CD207: variants seen among roughly 807,000 people sequenced by gnomAD.
CD207 encodes the protein C-type lectin domain family 4 member K.
Under a neutral mutation model 31.6 loss-of-function variants are expected in CD207, and 28 were observed. The observed-to-expected ratio is 0.89, with a 90% CI of 0.66 to 1.21. The LOEUF is 1.21. CD207 is among the 50% of genes most tolerant of loss of function. The pLI, the probability that CD207 is intolerant of heterozygous loss-of-function variation, is 0.00. For synonymous variants in CD207, 168 were observed against 153.9 expected, an observed-to-expected ratio of 1.09 and a Z score of -0.68; for missense variants, 388 against 397.8, an observed-to-expected ratio of 0.98 and a Z score of 0.21.
downstream of CD207, among the ~76,000 whole-genome samples, chr2:70,826,473 C>T (rs1035433579): frequency 6.6e-6 from 1 of 152,128 alleles, no homozygotes; most frequent in African/African-American, 2.4e-5. Flanking sequence ...ATCTCTTGAG[C>T]CCAAGCAATC....
In CD207 at chr2:70,830,918, G is replaced by T; in HGVS notation, c.*132C>A. The T allele has an allele frequency of 5.2e-6, 4 of 765,844 alleles. No homozygotes were observed. The highest frequency in any genetic ancestry group is 6.1e-6 in the Non-Finnish European group (3 of 491,712). The allele number at this position is 765,844 out of a possible 1,614,324, so 47.4% of individuals were successfully genotyped here. ...AGCCAAGACAGACGGACTCCAGAAT[G>T]CCACTGTGGGACAATTTTGAAGCAA... On this transcript the variant is annotated 3_prime_UTR_variant, in exon 6 of 6. Transcript: ENST00000410009.
chr2:70,832,855 GT>G (rs1677509376), intron 4 of CD207, 44 bp downstream of exon 4: 1 of 1,562,018 alleles, frequency 6.4e-7, no homozygotes, highest in Admixed American at 1.9e-5. Context: ...CCCTGGCCCA[GT>G]GCTCATACGC....
downstream of CD207, among the ~76,000 whole-genome samples, chr2:70,826,716 C>T (rs1170112555): frequency 6.6e-6 from 1 of 152,166 alleles, no homozygotes; most frequent in African/African-American, 2.4e-5. Flanking sequence ...CTGCTTCTAA[C>T]TTTAAAAGGT....
chr2:70,830,997 C>A lies in CD207; in HGVS notation c.*53G>T. 6.5e-7 allele frequency: 1 copy of A among 1,531,222 alleles called. No homozygotes were observed. The highest frequency in any genetic ancestry group is 8.9e-7 in the Non-Finnish European group (1 of 1,124,668). 94.9% of individuals were successfully genotyped at this position (1,531,222 alleles called of 1,614,324 possible). A position where few individuals can be genotyped will look rare whatever the true frequency, so the allele number is the denominator to read the frequency against. On this transcript the variant is annotated 3_prime_UTR_variant, in exon 6 of 6. Coordinates refer to ENST00000410009, the MANE Select transcript of CD207 (RefSeq NM_015717.5). ...AGTCTGGGGAAGAAAGAGGCATTTC[C>A]TCATGTTTAACAAGCGTTGGAGCTC...
In CD207 at chr2:70,835,704, C is replaced by G; in HGVS notation, c.73G>C (p.Glu25Gln). ...DKQNISLWPREPPPKSGPSLV... is the reference protein window; with the variant it reads ...DKQNISLWPRQPPPKSGPSLV... The stretch of plus-strand genomic sequence containing the variant: ...GGTTCTCAGCAGCGATGTGGCTTGC[C>G]TCGGGGCCAGAGGGAGATGTTCTGT... Residue 25 changes from glutamate to glutamine, a missense_variant and splice_region_variant, in exon 1 of 6, where the codon GAG becomes CAG. Glu to Gln is a conservative substitution (Grantham distance 29, BLOSUM62 2). Coordinates refer to ENST00000410009, the MANE Select transcript of CD207 (RefSeq NM_015717.5). 5 of 1,613,484 alleles carry G rather than the reference C, an allele frequency of 3.1e-6. No homozygotes were observed. In the South Asian group the frequency reaches 5.5e-5, roughly 18 times the overall value.
downstream of CD207, among the ~76,000 whole-genome samples, chr2:70,827,197 C>A (rs11684437): frequency 0.61 from 93,064 of 152,056 alleles, 28,871 homozygotes; most frequent in Middle Eastern, 0.7. Context: ...GTGCCTCTTC[C>A]TCAGGAAGCC....
Position 70,831,072 on chromosome 2 carries a change from G to A in CD207, c.965C>T (p.Pro322Leu), listed in dbSNP as rs781998721. 4 of 1,613,746 alleles carry A rather than the reference G, an allele frequency of 2.5e-6. No individual in the cohort carries two copies. The African/African-American group carries it at 4.0e-5, about 16-fold the overall frequency. Residue 322 changes from proline (P) to leucine (L), a missense_variant, in exon 6 of 6, where the codon CCC (proline) becomes CTC (leucine). Pro to Leu is a moderately conservative substitution (Grantham distance 98, BLOSUM62 -3). Transcript: ENST00000410009. Reference sequence around the variant, plus strand: ...CTGTCACGGTTCTGATGGGACATAGGGTCGCTTACAAATGAAAAGAAACGT... The same window carrying A: ...CTGTCACGGTTCTGATGGGACATAGAGTCGCTTACAAATGAAAAGAAACGT... ...DKTFLFICKR[P>L]YVPSEP
Position 70,831,099 on chromosome 2 carries a change from T to A in CD207, c.938A>T (p.Lys313Ile), listed in dbSNP as rs57302492. 102,426 of 1,613,432 alleles carry A rather than the reference T, an allele frequency of 0.063. 4,507 individuals are homozygous for A. The highest frequency in any genetic ancestry group is 0.17 in the African/African-American group (13,019 of 74,948). The change falls in exon 6 of 6, where the codon AAA becomes ATA. Residue 313 changes from lysine to isoleucine, a missense_variant. Transcript: ENST00000410009. The part of the protein sequence containing the change: ...LQAWNDAPCD[K>I]TFLFICKRPY... ...TCGCTTACAAATGAAAAGAAACGTT[T>A]TGTCACATGGGGCATCATTCCAGGC...
intron 5 of CD207, 53 bp from the exon 6 acceptor site, chr2:70,831,253 C>T: frequency 5.8e-6 from 9 of 1,559,530 alleles, no homozygotes; most frequent in Non-Finnish European, 7.9e-6. Flanking sequence ...TCAAAAAGAA[C>T]TTATTTCCAG....
At chr2:70,824,543 T>C in the CD207 span, among the ~76,000 whole-genome samples, 7 of 141,260 alleles carry the variant, frequency 5.0e-5, no homozygotes, top group Admixed American at 1.6e-4. Flanking sequence ...AATGGCTGAC[T>C]CTAGAACTGG....
downstream of CD207, among the ~76,000 whole-genome samples, chr2:70,829,951 A>G (rs996839431): frequency 5.9e-5 from 9 of 152,302 alleles, no homozygotes; most frequent in African/African-American, 2.2e-4. Context: ...ATTGAGCTAT[A>G]GACTAGAAGA....
chr2:70,830,924 G>A lies in CD207; in HGVS notation c.*126C>T. 1.1e-6 allele frequency: 1 copy of A among 874,636 alleles called. No homozygotes were observed. Among genetic ancestry groups the A allele is most frequent in the Non-Finnish European group, 1.7e-6 (1 of 584,826 alleles). 54.2% of individuals were successfully genotyped at this position (874,636 alleles called of 1,614,324 possible). Reference sequence around the variant, plus strand: ...GACAGACGGACTCCAGAATGCCACTGTGGGACAATTTTGAAGCAAGAAAAA... The same window carrying A: ...GACAGACGGACTCCAGAATGCCACTATGGGACAATTTTGAAGCAAGAAAAA... On this transcript the variant is annotated 3_prime_UTR_variant, in exon 6 of 6. Coordinates refer to ENST00000410009, the MANE Select transcript of CD207 (RefSeq NM_015717.5).
rs372110264 is a variant in CD207, at chr2:70,831,860, G to A, written c.718-41C>T. ...GATAAGCAGAGGTGCGGCCACACTT[G>A]GAGCTTGATCATCTGTCTCTGGGTG... On this transcript the variant is annotated intron_variant, in intron 4 of 5. Coordinates refer to ENST00000410009, the MANE Select transcript of CD207 (RefSeq NM_015717.5). The A allele has an allele frequency of 3.6e-4, 467 of 1,288,714 alleles. 2 individuals are homozygous for A. Among genetic ancestry groups the A allele is most frequent in the East Asian group, 2.5e-3 (110 of 43,242 alleles). The allele number at this position is 1,288,714 out of a possible 1,614,324, so 79.8% of individuals were successfully genotyped here.
At chr2:70,832,479 A>G (rs1396672362) in intron 4 of CD207, among the ~76,000 whole-genome samples, 1 of 152,204 alleles carries the variant, frequency 6.6e-6, no homozygotes, top group Non-Finnish European at 1.5e-5. Context: ...TTCTGGGCAC[A>G]TGGAAAGTAG....
In CD207 at chr2:70,833,781, A is replaced by C; in HGVS notation, c.430T>G (p.Trp144Gly). The C allele has an allele frequency of 1.2e-6, 2 of 1,613,992 alleles. No homozygotes were observed. Among genetic ancestry groups the C allele is most frequent in the Non-Finnish European group, 1.7e-6 (2 of 1,179,880 alleles). The part of the protein sequence containing the change: ...NAQIQILTRS[W>G]EEVSTLNAQI... ...GCATTTAAGGTACTGACTTCTTCCC[A>C]ACTTCTTGTTAAGATCTGGATCTGT... Residue 144 changes from tryptophan to glycine, a missense_variant, in exon 3 of 6, where the codon TGG becomes GGG. Physicochemically the swap from Trp to Gly is radical, Grantham distance 184. Coordinates refer to ENST00000410009, the MANE Select transcript of CD207 (RefSeq NM_015717.5).
At position 70,831,813 on chromosome 2, in the gene CD207, G is replaced by T; in HGVS notation, c.724C>A (p.Leu242Met). Residue 242 changes from leucine (L) to methionine (M), a missense_variant, in exon 5 of 6, where the codon CTG (leucine) becomes ATG (methionine). Coordinates refer to ENST00000410009, the MANE Select transcript of CD207 (RefSeq NM_015717.5). Reference sequence around the variant, plus strand: ...ATGAGTCCCCCCGCTGTTTTATACAGAAACTCCTGTAGGAAAGACAGGATA... The same window carrying T: ...ATGAGTCCCCCCGCTGTTTTATACATAAACTCCTGTAGGAAAGACAGGATA... ...SVTSESEQEFLYKTAGGLIYW... is the reference protein window; with the variant it reads ...SVTSESEQEFMYKTAGGLIYW... The T allele has an allele frequency of 6.3e-7, 1 of 1,597,130 alleles. No individual in the cohort carries two copies. The highest frequency in any genetic ancestry group is 8.6e-7 in the Non-Finnish European group (1 of 1,164,836).
chr2:70,833,837 T>G lies in CD207; in HGVS notation c.374A>C (p.Lys125Thr). 6.2e-7 allele frequency: 1 copy of G among 1,613,998 alleles called. No homozygotes were observed. Residue 125 changes from lysine to threonine, a missense_variant, in exon 3 of 6, where the codon AAG (lysine) becomes ACG (threonine). By Grantham distance (78) the Lys-to-Thr change is moderately conservative (BLOSUM62 -1). Transcript: ENST00000410009. ...SLGYVRSQFL[K>T]LKTSVEKANA... The stretch of plus-strand genomic sequence containing the variant: ...GGCCTTCTCCACACTGGTTTTTAAC[T>G]TCAGGAACTGAGAACGCACATAACC...
chr2:70,835,644 A>G, intron 1 of CD207, 37 bp from the exon 2 acceptor site: 1 of 1,610,136 alleles, frequency 6.2e-7, no homozygotes, highest in Non-Finnish European at 8.5e-7. Flanking sequence ...TTGAAGGAGC[A>G]GCAAAGGGCA....
At chr2:70,834,705 A>G (rs936510572) in intron 2 of CD207, among the ~76,000 whole-genome samples, 19 of 152,160 alleles carry the variant, frequency 1.2e-4, no homozygotes, top group Non-Finnish European at 1.5e-5. Flanking sequence ...GCGATGTTAG[A>G]GGCCAGGGGT....
Sources: allele counts gnomAD v4.1 joint callset (sites outside exome capture counted in the v4.1 genomes callset), GRCh38; gene constraint gnomAD v4.1.1; transcripts MANE v1.5; gene names NCBI Gene and HGNC (gene_info 2026-07-23, HGNC 2026-07-21).